The following TRHDE variants were observed in gnomAD, a reference collection of about 807,000 sequenced individuals.
TRHDE encodes thyrotropin-releasing hormone-degrading ectoenzyme.
TRHDE carries 72 observed loss-of-function variants against 125.7 expected under a neutral mutation model. That is an observed-to-expected ratio of 0.57 (90% CI 0.47 to 0.70). TRHDE has a LOEUF of 0.70. Ranked by LOEUF, TRHDE falls within the 30% of genes least tolerant of loss-of-function variation. The pLI is 0.00. For synonymous variants in TRHDE, 509 were observed against 509.1 expected (o/e 1.00, Z 0.00); for missense variants, 1,110 against 1,327.1 (o/e 0.84, Z 2.54).
chr12:72,092,068 C>T (rs961942294), intron 1 of TRHDE, among the ~76,000 whole-genome samples: 1 of 152,202 alleles, frequency 6.6e-6, no homozygotes, highest in African/African-American at 2.4e-5. Flanking sequence ...GTAGTAACTG[C>T]TGTAATGATG....
At chr12:72,470,433 A>G (rs1284149823) in intron 4 of TRHDE, among the ~76,000 whole-genome samples, 1 of 152,220 alleles carries the variant, frequency 6.6e-6, no homozygotes, top group Non-Finnish European at 1.5e-5. Context: ...TTGTCTTGGC[A>G]TGTTTAGAAA....
At chr12:72,119,137 T>C (rs746748624) in intron 2 of TRHDE, among the ~76,000 whole-genome samples, 1 of 152,174 alleles carries the variant, frequency 6.6e-6, no homozygotes, top group Admixed American at 6.5e-5. Flanking sequence ...TTAGGTTATC[T>C]ATTTGAAATT....
intron 12 of TRHDE, among the ~76,000 whole-genome samples, chr12:72,614,163 C>A (rs2136071873): frequency 6.6e-6 from 1 of 151,916 alleles, no homozygotes; most frequent in African/African-American, 2.4e-5. Context: ...CCAGGCCCCA[C>A]CTCCAGCATT....
chr12:72,120,926 A>C (rs59901213), intron 2 of TRHDE, among the ~76,000 whole-genome samples: 6,829 of 151,470 alleles, frequency 0.045, 291 homozygotes, highest in South Asian at 0.11. Flanking sequence ...GGTCTGCCCC[A>C]CTCAGCCTCC....
chr12:72,460,276 G>C (rs1299123786), intron 3 of TRHDE, among the ~76,000 whole-genome samples: 1 of 152,152 alleles, frequency 6.6e-6, no homozygotes, highest in East Asian at 1.9e-4. Flanking sequence ...CATTTTACAG[G>C]TGAGGAAAAT....
chr12:72,271,784 C>A (rs1485424465), upstream of TRHDE: 4 of 400,242 alleles, frequency 1.0e-5, no homozygotes, highest in African/African-American at 2.0e-5. Flanking sequence ...CTTCGGCTCT[C>A]CCCCTTGGGA....
chr12:72,409,427 T>C (rs1873403231), intron 3 of TRHDE, among the ~76,000 whole-genome samples: 1 of 152,176 alleles, frequency 6.6e-6, no homozygotes, highest in Admixed American at 6.5e-5. Flanking sequence ...TTCTGGCTTC[T>C]TCTAATAGGG....
chr12:72,433,829 G>T (rs1450097226), intron 3 of TRHDE, among the ~76,000 whole-genome samples: 1 of 151,966 alleles, frequency 6.6e-6, no homozygotes, highest in Non-Finnish European at 1.5e-5. Flanking sequence ...TAGAAAGAAG[G>T]CTCTTAATCT....
At chr12:72,284,074 G>C (rs1248531909) in intron 1 of TRHDE, among the ~76,000 whole-genome samples, 1 of 151,974 alleles carries the variant, frequency 6.6e-6, no homozygotes, top group Non-Finnish European at 1.5e-5. Flanking sequence ...AACTTTTTGA[G>C]TACTAACATG....
intron 2 of TRHDE, among the ~76,000 whole-genome samples, chr12:72,153,158 T>C (rs553878953): frequency 1.3e-5 from 2 of 152,358 alleles, no homozygotes; most frequent in South Asian, 2.1e-4. Flanking sequence ...TATCCATTTC[T>C]TCTAGATTTT....
chr12:72,614,340 T>TC (rs1872739705), intron 12 of TRHDE, among the ~76,000 whole-genome samples: 1 of 78,546 alleles, frequency 1.3e-5, no homozygotes, highest in South Asian at 3.1e-4. Flanking sequence ...ATTTTTTTTT[T>TC]CTCTAGAAAC....
rs568051511 is a variant in TRHDE at position 72,662,668 on chromosome 12, C to T, written c.3067-384C>T. ...TCCTTATATTCAGTGTTTAAGGCTA[C>T]TTGGTGCATTGTATACACATTGAAG... is the stretch of plus-strand genomic sequence containing the variant. On this transcript the variant is annotated intron_variant, in intron 18 of 18. Coordinates refer to ENST00000261180, the MANE Select transcript of TRHDE (RefSeq NM_013381.3). Among the ~76,000 whole-genome samples, 35 of 152,252 alleles carry T rather than the reference C, an allele frequency of 2.3e-4. No homozygotes were observed. The South Asian group carries it at 7.3e-3, about 32-fold the overall frequency.
intron 12 of TRHDE, among the ~76,000 whole-genome samples, chr12:72,586,037 A>G (rs922287101): frequency 7.2e-5 from 11 of 152,150 alleles, no homozygotes; most frequent in African/African-American, 2.2e-4. Context: ...TTCTTACTAA[A>G]CATGCTGATT....
intron 12 of TRHDE, among the ~76,000 whole-genome samples, chr12:72,604,744 G>T (rs538438247): frequency 6.6e-6 from 1 of 151,944 alleles, no homozygotes; most frequent in East Asian, 1.9e-4. Flanking sequence ...TATTTTCATT[G>T]ATGCTTCAAC....
intron 2 of TRHDE, among the ~76,000 whole-genome samples, chr12:72,200,105 A>C (rs1877525744): frequency 6.6e-6 from 1 of 152,186 alleles, no homozygotes; most frequent in East Asian, 1.9e-4. Context: ...ATAGTGACTA[A>C]AGAGTCTTTT....
chr12:72,193,812 T>C (rs2139350360), intron 2 of TRHDE, among the ~76,000 whole-genome samples: 1 of 152,280 alleles, frequency 6.6e-6, no homozygotes, highest in South Asian at 2.1e-4. Context: ...CTATGGAAAT[T>C]TTCCATTTTG....
At chr12:72,371,909 T>A (rs1177435907) in intron 2 of TRHDE, among the ~76,000 whole-genome samples, 1 of 152,198 alleles carries the variant, frequency 6.6e-6, no homozygotes, top group Admixed American at 6.5e-5. Flanking sequence ...ATATTCCCAG[T>A]AATGGGATGG....
At chr12:72,212,636 ACC>A (rs1214250207) in intron 2 of TRHDE, among the ~76,000 whole-genome samples, 1 of 152,134 alleles carries the variant, frequency 6.6e-6, no homozygotes, top group African/African-American at 2.4e-5. Flanking sequence ...ACAATGAGAT[ACC>A]CCTTAAAATC....
chr12:72,220,690 T>A (rs1877983164), intron 2 of TRHDE, among the ~76,000 whole-genome samples: 1 of 152,136 alleles, frequency 6.6e-6, no homozygotes, highest in Non-Finnish European at 1.5e-5. Context: ...TCTTCTTATA[T>A]AATTTTGCTT....
Sources: gnomAD v4.1 joint callset for allele counts (sites outside exome capture counted in the v4.1 genomes callset) on GRCh38, gnomAD v4.1.1 for gene constraint, MANE v1.5 for transcripts, NCBI Gene and HGNC (gene_info 2026-07-23, HGNC 2026-07-21) for gene names.